The following SPATS2L variants were observed in gnomAD, a reference collection of about 807,000 sequenced individuals.
SPATS2L encodes the protein spermatogenesis associated serine rich 2 like, also known as SPATS2-like protein.
In SPATS2L, 30 loss-of-function variants were observed where a neutral mutation model predicts 59.6. The observed-to-expected ratio is 0.50, with a 90% CI of 0.38 to 0.68. The LOEUF (loss-of-function observed/expected upper bound fraction) is 0.68, where lower values mean the gene tolerates loss of function less well. Ranked by LOEUF, SPATS2L falls within the 30% of genes least tolerant of loss-of-function variation. The pLI, the probability that SPATS2L is intolerant of heterozygous loss-of-function variation, is 0.00. For synonymous variants in SPATS2L, 252 were observed against 263.5 expected, an observed-to-expected ratio of 0.96 and a Z score of 0.42; for missense variants, 615 against 700.0, an observed-to-expected ratio of 0.88 and a Z score of 1.37.
At chr2:200,432,446 ACATT>A (rs1013954748) in intron 6 of SPATS2L, among the ~76,000 whole-genome samples, 1 of 135,700 alleles carries the variant, frequency 7.4e-6, no homozygotes, top group African/African-American at 2.5e-5. Context: ...TAGCTGCCTA[ACATT>A]TATCCTCAAG....
chr2:200,368,779 G>A (rs295132), intron 2 of SPATS2L, among the ~76,000 whole-genome samples: 86,108 of 151,978 alleles, frequency 0.57, 25,153 homozygotes, highest in African/African-American at 0.68. Context: ...GAAGATGACT[G>A]AAGAGATGAG....
chr2:200,310,607 T>C (rs1415532709), intron 1 of SPATS2L, among the ~76,000 whole-genome samples: 2 of 152,256 alleles, frequency 1.3e-5, no homozygotes, highest in African/African-American at 2.4e-5. Flanking sequence ...CATTGTTTAG[T>C]ATTGCACCAG....
At chr2:200,353,701 G>A (rs1206245670) in intron 2 of SPATS2L, among the ~76,000 whole-genome samples, 1 of 152,012 alleles carries the variant, frequency 6.6e-6, no homozygotes, top group Non-Finnish European at 1.5e-5. Flanking sequence ...GAAGGTATTT[G>A]CCACTCAGAC....
At chr2:200,357,682 ACTTT>A (rs2080960850) in intron 2 of SPATS2L, among the ~76,000 whole-genome samples, 1 of 152,154 alleles carries the variant, frequency 6.6e-6, no homozygotes, top group Non-Finnish European at 1.5e-5. Flanking sequence ...GAATAGGGAA[ACTTT>A]ACTCCCATTT....
chr2:200,388,588 G>A (rs1489261126), intron 2 of SPATS2L, among the ~76,000 whole-genome samples: 2 of 126,804 alleles, frequency 1.6e-5, no homozygotes, highest in African/African-American at 6.1e-5. Context: ...TTTGAGACAA[G>A]CTCAAAAAAA....
intron 8 of SPATS2L, among the ~76,000 whole-genome samples, chr2:200,451,548 G>A (rs537085254): frequency 1.3e-5 from 2 of 152,046 alleles, no homozygotes; most frequent in South Asian, 2.1e-4. Context: ...ACTAGGGTAC[G>A]GCCTTACCAT....
At chr2:200,329,968 A>T (rs1448200919) in intron 2 of SPATS2L, among the ~76,000 whole-genome samples, 1 of 152,106 alleles carries the variant, frequency 6.6e-6, no homozygotes. Context: ...CTTGGAATTG[A>T]CAGTGCTCAG....
At chr2:200,404,549 G>A (rs1173544666) in intron 3 of SPATS2L, among the ~76,000 whole-genome samples, 1 of 152,162 alleles carries the variant, frequency 6.6e-6, no homozygotes, top group African/African-American at 2.4e-5. Flanking sequence ...TTTTTTAAAA[G>A]GTAATAGTTG....
chr2:200,400,640 G>A (rs1343714901), intron 3 of SPATS2L, among the ~76,000 whole-genome samples: 1 of 152,110 alleles, frequency 6.6e-6, no homozygotes, highest in Admixed American at 6.5e-5. Flanking sequence ...GGAGACTGAA[G>A]TTTTATTATT....
intron 1 of SPATS2L, among the ~76,000 whole-genome samples, chr2:200,317,624 C>A (rs2079423216): frequency 6.6e-6 from 1 of 152,230 alleles, no homozygotes; most frequent in African/African-American, 2.4e-5. Context: ...TGCCTAAGTC[C>A]CATTCTCCCT....
intron 2 of SPATS2L, among the ~76,000 whole-genome samples, chr2:200,358,595 CTT>C (rs34439081): frequency 1.4e-5 from 2 of 148,002 alleles, no homozygotes; most frequent in African/African-American, 2.5e-5. Flanking sequence ...GTGATATTTC[CTT>C]TTTTTTTTTT....
rs2087694367 is a variant in SPATS2L at position 200,478,453 on chromosome 2, AACATCTG to A, written c.*423_*429del. On this transcript the variant is annotated 3_prime_UTR_variant, in exon 13 of 13. Transcript: ENST00000409140. ...GGACACATGCGCTTTTGTAGAATTT[AACATCTG>A]GTGTTTTTCTGAAAAAATATATATA... The A allele has an allele frequency of 6.5e-6, 1 of 154,972 alleles. No individual in the cohort carries two copies. Among genetic ancestry groups the A allele is most frequent in the African/African-American group, 2.4e-5 (1 of 41,558 alleles). The allele number at this position is 154,972 out of a possible 1,614,324, so 9.6% of individuals were successfully genotyped here.
intron 2 of SPATS2L, chr2:200,373,401 C>T (rs1159837313): frequency 1.3e-5 from 2 of 151,912 alleles, no homozygotes; most frequent in East Asian, 1.9e-4. Flanking sequence ...AAGTATCATT[C>T]GAAAGCTTGG....
At chr2:200,425,243 T>A (rs746787815) in intron 6 of SPATS2L, among the ~76,000 whole-genome samples, 1 of 151,348 alleles carries the variant, frequency 6.6e-6, no homozygotes, top group African/African-American at 2.4e-5. Context: ...TTCAAGCAGA[T>A]TTTTTTATGT....
At chr2:200,327,625 A>G (rs1028736434) in intron 1 of SPATS2L, among the ~76,000 whole-genome samples, 13 of 152,230 alleles carry the variant, frequency 8.5e-5, no homozygotes, top group Admixed American at 6.5e-4. Flanking sequence ...CAACACAACA[A>G]TGTTTGCCTT....
intron 3 of SPATS2L, among the ~76,000 whole-genome samples, chr2:200,403,827 C>T (rs1219636841): frequency 3.4e-5 from 5 of 146,798 alleles, no homozygotes; most frequent in African/African-American, 1.4e-4. Context: ...CTCAGCATTC[C>T]ATCATTCATC....
At chr2:200,428,053 G>GAA (rs397728661) in intron 6 of SPATS2L, among the ~76,000 whole-genome samples, 1 of 143,826 alleles carries the variant, frequency 7.0e-6, no homozygotes, top group African/African-American at 2.6e-5. Flanking sequence ...CTGGGTGACA[G>GAA]CGAGACCGTG....
intron 2 of SPATS2L, among the ~76,000 whole-genome samples, chr2:200,386,531 T>G (rs558523635): frequency 4.6e-5 from 7 of 152,302 alleles, no homozygotes; most frequent in Non-Finnish European, 8.8e-5. Flanking sequence ...TCTCATAAAT[T>G]TTCTCTCTTC....
rs865928381 is a variant in SPATS2L at position 200,396,026 on chromosome 2, A to T, written c.39+6743A>T. ...ACTCGATCTGGAAAAAAAAAAAAAA[A>T]AAAAAAAATATATATATATATATAT... On this transcript the variant is annotated intron_variant, in intron 3 of 12. Transcript: ENST00000409140. Among the ~76,000 whole-genome samples, 27 of 47,102 alleles carry T rather than the reference A, an allele frequency of 5.7e-4. 1 individual carries two copies. Among genetic ancestry groups the T allele is most frequent in the Non-Finnish European group, 7.1e-4 (14 of 19,652 alleles). The allele number at this position is 47,102 out of a possible 152,430, so 30.9% of individuals were successfully genotyped here.
Sources: gnomAD v4.1 joint callset for allele counts (sites outside exome capture counted in the v4.1 genomes callset) on GRCh38, gnomAD v4.1.1 for gene constraint, MANE v1.5 for transcripts, NCBI Gene and HGNC (gene_info 2026-07-23, HGNC 2026-07-21) for gene names.